Variants in HMCN1 observed in about 807,000 individuals in gnomAD.
The protein encoded by HMCN1 is hemicentin-1.
In HMCN1, 321 loss-of-function variants were observed where a neutral mutation model predicts 625.9. The ratio of observed to expected loss-of-function variants is 0.51; its 90% confidence interval spans 0.47 to 0.56. HMCN1 has a LOEUF of 0.56. Among genes scored for constraint, HMCN1 ranks in the 20% least tolerant of loss-of-function variants. The pLI, the probability that HMCN1 is intolerant of heterozygous loss-of-function variation, is 0.00. For synonymous variants in HMCN1, 2,425 were observed against 2,417.6 expected (o/e 1.00, Z -0.09); for missense variants, 6,588 against 6,887.3 (o/e 0.96, Z 1.54).
intron 6 of HMCN1, among the ~76,000 whole-genome samples, chr1:185,921,967 A>G (rs1194597660): frequency 1.3e-5 from 2 of 152,204 alleles, no homozygotes; most frequent in Admixed American, 6.5e-5. Context: ...GCAAAGAAGA[A>G]ATAAATATTT....
At chr1:186,170,258 G>T (rs1394995302) in intron 100 of HMCN1, among the ~76,000 whole-genome samples, 1 of 152,158 alleles carries the variant, frequency 6.6e-6, no homozygotes, top group African/African-American at 2.4e-5. Flanking sequence ...ATTAGCAGTT[G>T]TCTACTTTTA....
intron 103 of HMCN1, among the ~76,000 whole-genome samples, 200 bp downstream of exon 103, chr1:186,174,842 CA>C (rs1652460768): frequency 6.6e-6 from 1 of 152,266 alleles, no homozygotes. Context: ...ACTGACATTT[CA>C]AGTGATAATA....
At chr1:186,158,496 A>G (rs996565021) in intron 97 of HMCN1, among the ~76,000 whole-genome samples, 11 of 152,222 alleles carry the variant, frequency 7.2e-5, no homozygotes, top group African/African-American at 2.7e-4. Flanking sequence ...TGTTTTAGAC[A>G]TGAAGTCCTT....
intron 15 of HMCN1, among the ~76,000 whole-genome samples, chr1:185,975,239 C>A (rs941500363): frequency 1.3e-5 from 2 of 152,124 alleles, no homozygotes; most frequent in African/African-American, 4.8e-5. Flanking sequence ...TCCGTTCTCA[C>A]ATTGCTATAA....
At chr1:186,066,817 G>C (rs181021169) in intron 49 of HMCN1, among the ~76,000 whole-genome samples, 13 of 152,130 alleles carry the variant, frequency 8.5e-5, no homozygotes, top group African/African-American at 3.1e-4. Context: ...GGGTTCCCTA[G>C]TGTTCTGTCC....
In HMCN1 at chr1:186,178,819, A is replaced by T. The variant is rs1381327741; in HGVS notation, c.16294+53A>T. ...TTCTGTGGGCTCTCTTACTGATCAA[A>T]GTATGTGTACAGCACCTGTGATTGT... On this transcript the variant is annotated intron_variant, in intron 104 of 106. Coordinates refer to ENST00000271588, the MANE Select transcript of HMCN1 (RefSeq NM_031935.3). 5.1e-6 allele frequency: 6 copies of T among 1,180,634 alleles called. No homozygotes were observed. The African/African-American group carries it at 9.0e-5, about 18-fold the overall frequency. 73.1% of individuals were successfully genotyped at this position (1,180,634 alleles called of 1,614,324 possible).
At chr1:186,007,373 T>G in intron 30 of HMCN1, 91 bp downstream of exon 30, 1 of 1,198,396 alleles carries the variant, frequency 8.3e-7, no homozygotes. Context: ...TATTTCATAC[T>G]GAATAATTTG....
chr1:185,971,134 G>T (rs10911789), intron 15 of HMCN1, among the ~76,000 whole-genome samples: 1 of 152,158 alleles, frequency 6.6e-6, no homozygotes, highest in Non-Finnish European at 1.5e-5. Flanking sequence ...GTTTCCCTAC[G>T]AAGAGTCATC....
chr1:186,054,045 T>C, intron 44 of HMCN1, 59 bp downstream of exon 44: 1 of 1,498,708 alleles, frequency 6.7e-7, no homozygotes, highest in South Asian at 1.1e-5. Context: ...TTCATCCTTC[T>C]CATTTACTTT....
At chr1:186,033,518 T>A (rs1336537700) in intron 36 of HMCN1, among the ~76,000 whole-genome samples, 2 of 152,190 alleles carry the variant, frequency 1.3e-5, no homozygotes, top group Non-Finnish European at 2.9e-5. Context: ...AATTACTTAA[T>A]TCCCAAAACA....
rs114017609 is a variant in HMCN1 at position 186,142,116 on chromosome 1, T to C, written c.13925-2057T>C. On this transcript the variant is annotated intron_variant, in intron 89 of 106. Transcript: ENST00000271588. ...TATTTTGTCACCTGGATACTAAGCA[T>C]AGTATCCAAATTTATTTTTCTAAAC... is the stretch of plus-strand genomic sequence containing the variant. Among the ~76,000 whole-genome samples, 300 of 152,278 alleles carry C rather than the reference T, an allele frequency of 2.0e-3. 1 individual carries two copies. Among genetic ancestry groups the C allele is most frequent in the African/African-American group, 6.7e-3 (279 of 41,568 alleles).
intron 1 of HMCN1, among the ~76,000 whole-genome samples, chr1:185,785,831 C>T (rs1657528629): frequency 2.6e-5 from 4 of 152,156 alleles, no homozygotes; most frequent in Admixed American, 2.6e-4. Flanking sequence ...GGGAAATAGT[C>T]ATTTTCTTTA....
intron 16 of HMCN1, 38 bp downstream of exon 16, chr1:185,978,019 TTTTATGTTATATA>T: frequency 2.2e-6 from 3 of 1,389,992 alleles, no homozygotes; most frequent in Non-Finnish European, 3.1e-6. Context: ...GAATATGTAC[TTTTATGTTATATA>T]TTTATGTTTT....
chr1:186,113,609 A>C (rs1007009922), intron 72 of HMCN1, among the ~76,000 whole-genome samples: 8 of 152,250 alleles, frequency 5.3e-5, no homozygotes, highest in Non-Finnish European at 1.0e-4. Context: ...TTCTTCATTT[A>C]AAGTGAAGCT....
chr1:186,047,973 T>C (rs79605855), intron 41 of HMCN1, among the ~76,000 whole-genome samples: 2,642 of 152,256 alleles, frequency 0.017, 72 homozygotes, highest in African/African-American at 0.06. Flanking sequence ...GATTGCAAAC[T>C]TAGTTGGCAA....
At position 185,755,213 on chromosome 1, in the gene HMCN1, C is replaced by T. The variant is rs564314034; in HGVS notation, c.268+20166C>T. Among the ~76,000 whole-genome samples the T allele has an allele frequency of 3.3e-5, 5 of 152,258 alleles. No individual in the cohort carries two copies. The East Asian group carries it at 9.6e-4, about 29-fold the overall frequency. ...TTTTTCTCCTTGTACTTTGGTCCAT[C>T]TTTTATTCTCTATGTTGTAAAGCTA... On this transcript the variant is annotated intron_variant, in intron 1 of 106. Transcript: ENST00000271588.
At chr1:185,842,553 G>T (rs1207476259) in intron 1 of HMCN1, among the ~76,000 whole-genome samples, 1 of 151,578 alleles carries the variant, frequency 6.6e-6, no homozygotes, top group African/African-American at 2.4e-5. Context: ...AACATAATGA[G>T]ACCCTGTCTC....
At chr1:185,784,564 G>A (rs1212305857) in intron 1 of HMCN1, among the ~76,000 whole-genome samples, 2 of 151,682 alleles carry the variant, frequency 1.3e-5, no homozygotes. Flanking sequence ...TTTGATAGTT[G>A]TGCTTTTTCA....
chr1:186,020,449 C>T (rs1343103397), intron 35 of HMCN1, among the ~76,000 whole-genome samples: 1 of 151,896 alleles, frequency 6.6e-6, no homozygotes, highest in Non-Finnish European at 1.5e-5. Flanking sequence ...ATTTTTAATT[C>T]CTATTCCAAA....
Sources: gnomAD v4.1 joint callset for allele counts (sites outside exome capture counted in the v4.1 genomes callset) on GRCh38, gnomAD v4.1.1 for gene constraint, MANE v1.5 for transcripts, NCBI Gene and HGNC (gene_info 2026-07-23, HGNC 2026-07-21) for gene names.